PTPRN2: variants seen among roughly 807,000 people sequenced by gnomAD.
The protein encoded by PTPRN2 is receptor-type tyrosine-protein phosphatase N2.
Under a neutral mutation model 118.8 loss-of-function variants are expected in PTPRN2, and 74 were observed. That is an observed-to-expected ratio of 0.62 (90% CI 0.52 to 0.76). PTPRN2 has a LOEUF of 0.76. Ranked by LOEUF, PTPRN2 falls within the 30% of genes least tolerant of loss-of-function variation. The pLI, the probability that PTPRN2 is intolerant of heterozygous loss-of-function variation, is 0.00. For synonymous variants in PTPRN2, 641 were observed against 608.0 expected, an observed-to-expected ratio of 1.05 and a Z score of -0.80; for missense variants, 1,481 against 1,394.4, an observed-to-expected ratio of 1.06 and a Z score of -0.99.
intron 3 of PTPRN2, among the ~76,000 whole-genome samples, chr7:158,215,544 A>T (rs57418975): frequency 0.037 from 5,648 of 152,274 alleles, 118 homozygotes; most frequent in Middle Eastern, 0.078. Context: ...AAACAGGGTA[A>T]ACCCAAATCT....
intron 13 of PTPRN2, among the ~76,000 whole-genome samples, chr7:157,657,578 TAC>T (rs1401793695): frequency 1.6e-5 from 1 of 62,118 alleles, no homozygotes; most frequent in African/African-American, 5.5e-5. Flanking sequence ...ATCACACATA[TAC>T]ACACACATAC....
intron 2 of PTPRN2, among the ~76,000 whole-genome samples, chr7:158,386,868 A>T (rs1478258728): frequency 6.6e-6 from 1 of 151,852 alleles, no homozygotes; most frequent in African/African-American, 2.4e-5. Context: ...ATGAATGGGA[A>T]GGTGTTAGCA....
intron 12 of PTPRN2, among the ~76,000 whole-genome samples, chr7:157,748,299 G>A (rs4998853): frequency 2.4e-5 from 2 of 81,928 alleles, no homozygotes; most frequent in Non-Finnish European, 5.6e-5. Flanking sequence ...GGTGTCTGGG[G>A]GATTCTGAGG....
At chr7:158,329,985 C>A (rs999733558) in intron 2 of PTPRN2, among the ~76,000 whole-genome samples, 2 of 151,970 alleles carry the variant, frequency 1.3e-5, no homozygotes, top group Non-Finnish European at 2.9e-5. Flanking sequence ...ACCATAAGAG[C>A]TCACGCCCGC....
At chr7:158,382,581 A>T (rs1811045983) in intron 2 of PTPRN2, among the ~76,000 whole-genome samples, 1 of 152,226 alleles carries the variant, frequency 6.6e-6, no homozygotes, top group African/African-American at 2.4e-5. Flanking sequence ...GCAGGAGGTG[A>T]GCAGCAGGTG....
rs556792299 is a variant in PTPRN2 at position 157,845,470 on chromosome 7, C to G, written c.1788+53203G>C. Among the ~76,000 whole-genome samples, 5 of 151,848 alleles carry G rather than the reference C, an allele frequency of 3.3e-5. No individual in the cohort carries two copies. The highest frequency in any genetic ancestry group is 7.4e-5 in the Non-Finnish European group (5 of 67,984). ...CCAGTGAACCACACAGCCTAACTCA[C>G]CATGTTCCCGACCACACCCTGGTGA... On this transcript the variant is annotated intron_variant, in intron 12 of 22. Coordinates refer to ENST00000389418, the MANE Select transcript of PTPRN2 (RefSeq NM_002847.5). This position sits in a 1 kb window ranked among gnomAD's most constrained non-coding sequence, Gnocchi z 4.5.
At chr7:158,522,202 C>T (rs1824203312) in intron 1 of PTPRN2, among the ~76,000 whole-genome samples, 1 of 83,282 alleles carries the variant, frequency 1.2e-5, no homozygotes, top group Non-Finnish European at 2.4e-5. Flanking sequence ...AGGTCCACGT[C>T]ACAATGGTGG....
chr7:157,948,455 G>A (rs1800612518), intron 11 of PTPRN2, among the ~76,000 whole-genome samples: 1 of 151,766 alleles, frequency 6.6e-6, no homozygotes, highest in African/African-American at 2.4e-5. Context: ...AAATGTGCAG[G>A]AAAAGAAAAT....
intron 2 of PTPRN2, among the ~76,000 whole-genome samples, chr7:158,439,900 C>T (rs748625148): frequency 6.6e-6 from 1 of 152,152 alleles, no homozygotes; most frequent in Non-Finnish European, 1.5e-5. Context: ...AATACTGAGG[C>T]CTGGGGCTGA....
intron 11 of PTPRN2, among the ~76,000 whole-genome samples, chr7:158,017,611 T>G (rs1476434784): frequency 1.3e-5 from 2 of 152,206 alleles, no homozygotes; most frequent in Non-Finnish European, 2.9e-5. Context: ...TCAGCATTGA[T>G]GCTGACGTTG....
At position 158,525,476 on chromosome 7, in the gene PTPRN2, T is replaced by C. The variant is rs1824703670; in HGVS notation, c.113-35691A>G. 6.6e-6 allele frequency among the ~76,000 whole-genome samples: 1 copy of C among 152,078 alleles called. No individual in the cohort carries two copies. Among genetic ancestry groups the C allele is most frequent in the African/African-American group, 2.4e-5 (1 of 41,408 alleles). On this transcript the variant is annotated intron_variant, in intron 1 of 22. Transcript: ENST00000389418. This position sits in a 1 kb window ranked among gnomAD's most constrained non-coding sequence, Gnocchi z 4.1. ...CCAAGGCTGAGCCGCTCCGCACCCC[T>C]CGCTCTACAGCTGGACACAGGCTCT...
intron 22 of PTPRN2, among the ~76,000 whole-genome samples, chr7:157,548,544 TG>T (rs1351996473): frequency 6.6e-6 from 1 of 152,244 alleles, no homozygotes; most frequent in African/African-American, 2.4e-5. Context: ...TGCTGTGCCC[TG>T]GGGGCCTCCA....
At chr7:158,340,722 A>AGT (rs1806570962) in intron 2 of PTPRN2, among the ~76,000 whole-genome samples, 1 of 42,920 alleles carries the variant, frequency 2.3e-5, no homozygotes, top group Non-Finnish European at 5.1e-5. Context: ...TCACACCCAC[A>AGT]CTCACCATAA....
chr7:157,545,538 CCT>C (rs1433912200), intron 22 of PTPRN2, among the ~76,000 whole-genome samples: 3 of 152,052 alleles, frequency 2.0e-5, no homozygotes, highest in Non-Finnish European at 4.4e-5. Context: ...GAGTGTGCCG[CCT>C]CTCTGGCGGC....
intron 2 of PTPRN2, among the ~76,000 whole-genome samples, chr7:158,394,403 G>A (rs1812170921): frequency 6.6e-6 from 1 of 152,248 alleles, no homozygotes. Context: ...GCACAGGTGT[G>A]TGCAGGGAAC....
intron 12 of PTPRN2, among the ~76,000 whole-genome samples, chr7:157,688,118 A>G (rs953909316): frequency 7.9e-5 from 12 of 152,264 alleles, no homozygotes; most frequent in Non-Finnish European, 1.3e-4. Flanking sequence ...GCAAAAGAAA[A>G]GAATCTTCAA....
intron 12 of PTPRN2, among the ~76,000 whole-genome samples, chr7:157,888,540 TCCTG>T (rs1478838143): frequency 4.1e-5 from 6 of 147,726 alleles, no homozygotes; most frequent in Non-Finnish European, 8.9e-5. Context: ...CACCAGCCCA[TCCTG>T]CGCCCCCCCA....
intron 12 of PTPRN2, among the ~76,000 whole-genome samples, chr7:157,765,347 A>C (rs978387752): frequency 6.7e-6 from 1 of 149,756 alleles, no homozygotes; most frequent in Non-Finnish European, 1.5e-5. Flanking sequence ...CCACCCATCC[A>C]TCATCCTTTC....
chr7:157,908,486 G>C (rs1797903464), intron 11 of PTPRN2, among the ~76,000 whole-genome samples: 1 of 152,184 alleles, frequency 6.6e-6, no homozygotes. Context: ...TCCGTTCCTG[G>C]CAGTGCCAGG....
Sources: gnomAD v4.1 joint callset for allele counts (sites outside exome capture counted in the v4.1 genomes callset) on GRCh38, gnomAD v4.1.1 for gene constraint, Gnocchi (gnomAD v3.1) non-coding constraint, MANE v1.5 for transcripts, NCBI Gene and HGNC (gene_info 2026-07-23, HGNC 2026-07-21) for gene names.